Variants in TTC39A observed in about 807,000 individuals in gnomAD.
TTC39A encodes the protein tetratricopeptide repeat protein 39A.
In TTC39A, 46 loss-of-function variants were observed where a neutral mutation model predicts 82.3. The observed-to-expected ratio is 0.56, with a 90% CI of 0.44 to 0.71. The LOEUF is 0.71. Among genes scored for constraint, TTC39A ranks in the 30% least tolerant of loss-of-function variants. TTC39A has a pLI of 0.00. For synonymous variants in TTC39A, 254 were observed against 275.2 expected (o/e 0.92, Z 0.76); for missense variants, 543 against 712.9 (o/e 0.76, Z 2.71).
In TTC39A at chr1:51,302,410, T is replaced by C; in HGVS notation, c.838A>G (p.Ile280Val). The change falls in exon 11 of 18, where the codon ATC (isoleucine) becomes GTC (valine). Residue 280 changes from isoleucine (I) to valine (V), a missense_variant. Transcript: ENST00000680483. ...ATCCTCCCTGCAAAGAACAGGAAGA[T>C]GGCACCCTGCAATGACACACATGTA... ...PYLNRYPKGA[I>V]FLFFAGRIEV... is the part of the protein sequence containing the mutation. 6.2e-7 allele frequency: 1 copy of C among 1,609,898 alleles called. No individual in the cohort carries two copies. Among genetic ancestry groups the C allele is most frequent in the East Asian group, 2.2e-5 (1 of 44,794 alleles).
At chr1:51,328,561 A>G (rs1167115628) in intron 1 of TTC39A, among the ~76,000 whole-genome samples, 1 of 152,266 alleles carries the variant, frequency 6.6e-6, no homozygotes, top group Non-Finnish European at 1.5e-5. Flanking sequence ...GAGTAAAAGA[A>G]TAAAAACAGA....
chr1:51,309,197 G>C, intron 6 of TTC39A, 64 bp downstream of exon 6: 1 of 1,523,044 alleles, frequency 6.6e-7, no homozygotes, highest in East Asian at 2.4e-5. Context: ...CCGCCTGAGG[G>C]GGACAGCCTA....
chr1:51,320,627 AT>A (rs1016490526), intron 2 of TTC39A, among the ~76,000 whole-genome samples: 3 of 147,670 alleles, frequency 2.0e-5, no homozygotes. Flanking sequence ...AATTTTTTGT[AT>A]TTTTTTTTGT....
chr1:51,301,416 C>G, intron 12 of TTC39A, 156 bp downstream of exon 12: 1 of 971,092 alleles, frequency 1.0e-6, no homozygotes, highest in Non-Finnish European at 1.5e-6. Flanking sequence ...CTCTTGTGGT[C>G]TTTAGTTCCT....
At chr1:51,290,957 C>T (rs1453901724) in intron 14 of TTC39A, among the ~76,000 whole-genome samples, 1 of 152,216 alleles carries the variant, frequency 6.6e-6, no homozygotes, top group Non-Finnish European at 1.5e-5. Context: ...CTCCCAACCT[C>T]TCTGGGGCCA....
rs747888958 is a variant in TTC39A at position 51,294,437 on chromosome 1, C to T, written c.1220G>A (p.Arg407Gln). ...PTEKFAIRKSRRYFSSNPISL... is the reference protein window; with the variant it reads ...PTEKFAIRKSQRYFSSNPISL... The stretch of plus-strand genomic sequence containing the variant: ...GATAGGGTTGGAGGAGAAGTAGCGC[C>T]GGGACTTCCGGATGGCAAACTTCTC... Residue 407 changes from arginine to glutamine, a missense_variant, in exon 14 of 18, where the codon CGG becomes CAG. Arg to Gln is a conservative substitution (Grantham distance 43). Transcript: ENST00000680483. The surrounding 1 kb of genome is among the most constrained non-coding windows in gnomAD (Gnocchi z 4.3). The T allele has an allele frequency of 6.8e-6, 11 of 1,613,836 alleles. No homozygotes were observed. The highest frequency in any genetic ancestry group is 5.3e-5 in the African/African-American group (4 of 74,916).
At chr1:51,335,917 A>G (rs925310417), upstream of TTC39A, among the ~76,000 whole-genome samples, 1 of 152,040 alleles carries the variant, frequency 6.6e-6, no homozygotes, top group African/African-American at 2.4e-5. Context: ...ATAATCCCAA[A>G]CTCTCAGGGA....
At chr1:51,307,188 G>C (rs902577236) in intron 6 of TTC39A, among the ~76,000 whole-genome samples, 4 of 152,164 alleles carry the variant, frequency 2.6e-5, no homozygotes, top group Non-Finnish European at 5.9e-5. Flanking sequence ...CTTCTTTTAA[G>C]AGCAAGAGGA....
chr1:51,343,438 T>C (rs1646061264), intron 1 of TTC39A, among the ~76,000 whole-genome samples: 1 of 152,226 alleles, frequency 6.6e-6, no homozygotes, highest in South Asian at 2.1e-4. Context: ...CTCAGTGATC[T>C]TCCATCACTC....
chr1:51,309,293 G>GCC lies in TTC39A; in HGVS notation c.454_455dup (p.Ile153AlafsTer36). 1 of 1,612,674 alleles carries GCC rather than the reference G, an allele frequency of 6.2e-7. No homozygotes were observed. The highest frequency in any genetic ancestry group is 8.5e-7 in the Non-Finnish European group (1 of 1,179,406). On this transcript the variant is annotated frameshift_variant, in exon 6 of 18. Transcript: ENST00000680483. LOFTEE classifies it high-confidence loss of function. ...TCTGGTAGCTGTTTCGAACTTTGAT[G>GCC]CCGCCTTTGATGAAGCTCACCATGT...
chr1:51,308,381 A>G (rs1395999734), intron 6 of TTC39A, among the ~76,000 whole-genome samples: 1 of 152,022 alleles, frequency 6.6e-6, no homozygotes, highest in Non-Finnish European at 1.5e-5. Context: ...CTGGGATTAC[A>G]GGTGCCTGCC....
intron 12 of TTC39A, 112 bp from the exon 13 acceptor site, chr1:51,296,282 C>T: frequency 9.9e-7 from 1 of 1,009,306 alleles, no homozygotes; most frequent in Non-Finnish European, 1.5e-6. Context: ...CCGTTGTCTC[C>T]AAGCCCCAGG....
chr1:51,289,888 T>A lies in TTC39A; in HGVS notation c.1493+117A>T, dbSNP rs1382566334. On this transcript the variant is annotated intron_variant, in intron 16 of 17. Transcript: ENST00000680483. Reference sequence around the variant, plus strand: ...AGAGTGGACACTGGTTTAGTACCTGTGTGGTGAGTGGGGGTTGGCTAGGGT... The same window carrying A: ...AGAGTGGACACTGGTTTAGTACCTGAGTGGTGAGTGGGGGTTGGCTAGGGT... 7 of 735,518 alleles carry A rather than the reference T, an allele frequency of 9.5e-6. No individual in the cohort carries two copies. The Admixed American group carries it at 1.7e-4, about 18-fold the overall frequency. The allele number at this position is 735,518 out of a possible 1,614,324, so 45.6% of individuals were successfully genotyped here. A position where few individuals can be genotyped will look rare whatever the true frequency, so the allele number is the denominator to read the frequency against.
chr1:51,330,915 C>G, upstream of TTC39A: 1 of 610,054 alleles, frequency 1.6e-6, no homozygotes, highest in Admixed American at 2.6e-5. This position sits in a 1 kb window ranked among gnomAD's most constrained non-coding sequence, Gnocchi z 4.5. Context: ...CACCATCCTC[C>G]CGCATTAATG....
chr1:51,344,866 C>A, intron 1 of TTC39A: 1 of 1,235,634 alleles, frequency 8.1e-7, no homozygotes, highest in South Asian at 1.6e-5. Flanking sequence ...GACCCCCACG[C>A]CCAGCAGCCA....
At chr1:51,319,040 T>A (rs1279291092) in intron 2 of TTC39A, among the ~76,000 whole-genome samples, 1 of 152,160 alleles carries the variant, frequency 6.6e-6, no homozygotes, top group Admixed American at 6.5e-5. Flanking sequence ...TGAAACATTT[T>A]AAAGAGAAAT....
chr1:51,306,904 C>G (rs1644892614), intron 6 of TTC39A, among the ~76,000 whole-genome samples: 1 of 138,774 alleles, frequency 7.2e-6, no homozygotes, highest in Admixed American at 7.7e-5. Context: ...ATGACAGGCT[C>G]CAAGGAGAAG....
At chr1:51,320,417 T>TTTTTC (rs1645462459) in intron 2 of TTC39A, among the ~76,000 whole-genome samples, 1 of 7,824 alleles carries the variant, frequency 1.3e-4, no homozygotes, top group African/African-American at 4.8e-4. Context: ...TTTCTTTTTC[T>TTTTTC]TTTTTTTTTT....
chr1:51,304,249 T>G (rs901249000), intron 8 of TTC39A, among the ~76,000 whole-genome samples: 2 of 152,192 alleles, frequency 1.3e-5, no homozygotes, highest in Admixed American at 1.3e-4. Context: ...ATATGGAGGT[T>G]TGTGTAGAGA....
Sources: gnomAD v4.1 joint callset for allele counts (sites outside exome capture counted in the v4.1 genomes callset) on GRCh38, gnomAD v4.1.1 for gene constraint, Gnocchi (gnomAD v3.1) non-coding constraint, MANE v1.5 for transcripts, NCBI Gene and HGNC (gene_info 2026-07-23, HGNC 2026-07-21) for gene names.